ACTR3C: variants seen among roughly 807,000 people sequenced by gnomAD.
ACTR3C encodes actin related protein 3C, also known as actin-related protein 3C.
In ACTR3C, 18 loss-of-function variants were observed where a neutral mutation model predicts 26.3. The observed-to-expected ratio is 0.68, with a 90% CI of 0.47 to 1.01. The LOEUF is 1.01. Ranked by LOEUF, ACTR3C falls within the 50% of genes least tolerant of loss-of-function variation. The pLI is 0.00. For missense variants in ACTR3C, 184 were observed against 250.7 expected (o/e 0.73, Z 1.80); for synonymous variants, 55 against 94.5 (o/e 0.58, Z 2.42).
chr7:149,918,576 G>C, the ACTR3C span, among the ~76,000 whole-genome samples: 1 of 152,134 alleles, frequency 6.6e-6, no homozygotes, highest in South Asian at 2.1e-4. Flanking sequence ...TGTAATCCCA[G>C]CTACTCGGGA....
Position 150,249,307 on chromosome 7 carries a change from T to C in ACTR3C, c.565-253A>G, listed in dbSNP as rs548589194. ...GAAAATAATAGTCACCTGCCACTTCTATACCCACAGAAATTATCCTTCCAG... is the reference window on the plus strand; with the variant it reads ...GAAAATAATAGTCACCTGCCACTTCCATACCCACAGAAATTATCCTTCCAG... On this transcript the variant is annotated intron_variant, in intron 6 of 7. Coordinates refer to ENST00000683684, the MANE Select transcript of ACTR3C (RefSeq NM_001164458.2). 5.3e-5 allele frequency among the ~76,000 whole-genome samples: 8 copies of C among 152,328 alleles called. No homozygotes were observed. In the East Asian group the frequency reaches 1.5e-3, roughly 29 times the overall value.
At chr7:150,209,522 T>C in the ACTR3C span, among the ~76,000 whole-genome samples, 3,617 of 150,926 alleles carry the variant, frequency 0.024, 53 homozygotes, top group South Asian at 0.039. Flanking sequence ...TATTTTCATA[T>C]GGTGTTAGGA....
intron 1 of ACTR3C, among the ~76,000 whole-genome samples, chr7:150,318,542 T>C (rs2129617478): frequency 6.6e-6 from 1 of 152,268 alleles, no homozygotes; most frequent in East Asian, 1.9e-4. Context: ...GGTGGGCGGA[T>C]CACGAGATCA....
Position 150,274,465 on chromosome 7 carries a change from A to C in ACTR3C, c.564+10288T>G, listed in dbSNP as rs2530940. On this transcript the variant is annotated intron_variant, in intron 6 of 7. Transcript: ENST00000683684. The surrounding 1 kb of genome is among the most constrained non-coding windows in gnomAD (Gnocchi z 4.1). ...TTCATGTGCACCAGGAAACCAAAAA[A>C]TGTGTGTGGCTCACTTCATTGCACC... Among the ~76,000 whole-genome samples, 1 of 152,248 alleles carries C rather than the reference A, an allele frequency of 6.6e-6. No individual in the cohort carries two copies. The highest frequency in any genetic ancestry group is 6.5e-5 in the Admixed American group (1 of 15,292).
At chr7:150,043,125 T>C in the ACTR3C span, among the ~76,000 whole-genome samples, 1 of 151,286 alleles carries the variant, frequency 6.6e-6, no homozygotes, top group Non-Finnish European at 1.5e-5. Flanking sequence ...ACCTGCTTTC[T>C]TTCTGTTCCC....
chr7:150,070,392 TA>T, the ACTR3C span, among the ~76,000 whole-genome samples: 1 of 152,198 alleles, frequency 6.6e-6, no homozygotes, highest in African/African-American at 2.4e-5. Context: ...GGAAGATGTG[TA>T]TAACATTTCA....
the ACTR3C span, among the ~76,000 whole-genome samples, chr7:150,087,879 G>C: frequency 6.6e-6 from 1 of 152,194 alleles, no homozygotes; most frequent in East Asian, 1.9e-4. Flanking sequence ...TAAGGAAACT[G>C]CCAATAACTA....
At chr7:150,209,294 G>A in the ACTR3C span, among the ~76,000 whole-genome samples, 1 of 142,222 alleles carries the variant, frequency 7.0e-6, no homozygotes, top group East Asian at 1.9e-4. Context: ...GAAACAGAGA[G>A]AGAGAGAGAC....
chr7:149,956,496 T>G, the ACTR3C span, among the ~76,000 whole-genome samples: 1 of 152,256 alleles, frequency 6.6e-6, no homozygotes, highest in Non-Finnish European at 1.5e-5. Flanking sequence ...TGGCATGAAC[T>G]ATACTATAGT....
intron 6 of ACTR3C, among the ~76,000 whole-genome samples, chr7:150,250,044 C>G (rs1229487755): frequency 6.6e-6 from 1 of 152,014 alleles, no homozygotes; most frequent in East Asian, 1.9e-4. Flanking sequence ...CAGGGCTGCC[C>G]TGGAGCGGAT....
intron 6 of ACTR3C, among the ~76,000 whole-genome samples, chr7:150,257,058 T>C (rs755429994): frequency 2.6e-5 from 4 of 152,234 alleles, no homozygotes; most frequent in Admixed American, 6.5e-5. Context: ...TAAATACTTA[T>C]GGAGAAAACT....
chr7:150,070,699 C>A, the ACTR3C span, among the ~76,000 whole-genome samples: 2 of 152,198 alleles, frequency 1.3e-5, no homozygotes, highest in African/African-American at 4.8e-5. Context: ...GATCTGCCCC[C>A]CTCAGCCTCC....
At chr7:150,073,216 A>G in the ACTR3C span, among the ~76,000 whole-genome samples, 1 of 152,240 alleles carries the variant, frequency 6.6e-6, no homozygotes, top group African/African-American at 2.4e-5. Flanking sequence ...ACACAGCGAG[A>G]AGCCATCTTC....
the ACTR3C span, among the ~76,000 whole-genome samples, chr7:150,143,531 C>T: frequency 6.6e-6 from 1 of 152,180 alleles, no homozygotes; most frequent in Non-Finnish European, 1.5e-5. Flanking sequence ...CTACGACAAT[C>T]AAGACATGGA....
chr7:150,149,079 G>GTATA, the ACTR3C span, among the ~76,000 whole-genome samples: 126 of 93,084 alleles, frequency 1.4e-3, 1 homozygote, highest in African/African-American at 1.5e-3. Flanking sequence ...TAAAGTTTGA[G>GTATA]TATATATATA....
chr7:150,220,974 G>T, the ACTR3C span, among the ~76,000 whole-genome samples: 3 of 152,414 alleles, frequency 2.0e-5, no homozygotes, highest in Admixed American at 1.3e-4. Flanking sequence ...ATCTTCCCGG[G>T]ATGGTCGGGA....
the ACTR3C span, among the ~76,000 whole-genome samples, chr7:150,036,549 G>A: frequency 8.3e-5 from 12 of 144,578 alleles, 1 homozygote; most frequent in East Asian, 1.4e-3. Flanking sequence ...CAAAAGTTCC[G>A]GGTCCCCGAC....
the ACTR3C span, among the ~76,000 whole-genome samples, chr7:150,127,552 T>C: frequency 6.6e-6 from 1 of 151,984 alleles, no homozygotes; most frequent in Non-Finnish European, 1.5e-5. Flanking sequence ...GTGACTAATG[T>C]CTGTTTATTT....
At chr7:150,133,785 T>C in the ACTR3C span, among the ~76,000 whole-genome samples, 17 of 152,106 alleles carry the variant, frequency 1.1e-4, no homozygotes, top group African/African-American at 1.7e-4. Context: ...TCACTCAGAC[T>C]GGAGTGCTGT....
Sources: allele counts gnomAD v4.1 joint callset (sites outside exome capture counted in the v4.1 genomes callset), GRCh38; gene constraint gnomAD v4.1.1; non-coding constraint Gnocchi (gnomAD v3.1); transcripts MANE v1.5; gene names NCBI Gene and HGNC (gene_info 2026-07-23, HGNC 2026-07-21).